Variants in STIMATE observed in about 807,000 individuals in gnomAD.
STIMATE encodes the protein STIM activating enhancer.
STIMATE carries 15 observed loss-of-function variants against 36.7 expected under a neutral mutation model. The ratio of observed to expected loss-of-function variants is 0.41; its 90% CI spans 0.27 to 0.63. The LOEUF (loss-of-function observed/expected upper bound fraction) is 0.63. STIMATE is among the 20% of genes least tolerant of loss of function. STIMATE has a pLI of 0.32. For missense variants in STIMATE, 305 were observed against 397.3 expected (o/e 0.77, Z 1.98); for synonymous variants, 163 against 162.3 (o/e 1.00, Z -0.03).
intron 1 of STIMATE, among the ~76,000 whole-genome samples, chr3:52,885,196 C>T (rs1453827609): frequency 6.6e-6 from 1 of 152,142 alleles, no homozygotes; most frequent in East Asian, 1.9e-4. Context: ...TTCATGTGCT[C>T]ATTGGCCATT....
intron 7 of STIMATE, among the ~76,000 whole-genome samples, chr3:52,841,121 C>A (rs1302189620): frequency 6.6e-6 from 1 of 152,222 alleles, no homozygotes; most frequent in Non-Finnish European, 1.5e-5. Flanking sequence ...CTGAAGCCAG[C>A]ACTGAGTCGA....
chr3:52,893,804 T>A (rs1454408680), intron 1 of STIMATE, among the ~76,000 whole-genome samples: 1 of 152,206 alleles, frequency 6.6e-6, no homozygotes, highest in East Asian at 1.9e-4. Context: ...AAAATGCTTG[T>A]TTTATTAAAA....
intron 1 of STIMATE, among the ~76,000 whole-genome samples, chr3:52,888,262 A>G (rs568403254): frequency 1.5e-4 from 23 of 152,230 alleles, no homozygotes; most frequent in African/African-American, 4.8e-4. Context: ...GACACCCCCA[A>G]GGCAAAGCCC....
chr3:52,839,517 A>G lies in STIMATE; in HGVS notation c.*977T>C. 6.6e-6 allele frequency: 1 copy of G among 152,218 alleles called. No individual in the cohort carries two copies. The highest frequency in any genetic ancestry group is 1.9e-4 in the East Asian group (1 of 5,190). The allele number at this position is 152,218 out of a possible 1,614,324, so 9.4% of individuals were successfully genotyped here. ...CTCCTTTCTTGGTCAAATTTAACTA[A>G]GATCTCTAATCTGCCAGCAGGAATG... On this transcript the variant is annotated 3_prime_UTR_variant, in exon 8 of 8. Coordinates refer to ENST00000355083, the MANE Select transcript of STIMATE (RefSeq NM_198563.5).
In STIMATE at chr3:52,840,867, G is replaced by GT. The variant is rs200969842; in HGVS notation, c.769-258dup. Among the ~76,000 whole-genome samples, 1,373 of 151,072 alleles carry GT rather than the reference G, an allele frequency of 9.1e-3. 26 individuals are homozygous for GT. The highest frequency in any genetic ancestry group is 0.031 in the African/African-American group (1,271 of 41,138). The stretch of plus-strand genomic sequence containing the variant: ...TGCGTGGCACCATGCCTGGTTCGTT[G>GT]TTTTTTTTTGCTACTTTTAGTAGAC... On this transcript the variant is annotated intron_variant, in intron 7 of 7. Coordinates refer to ENST00000355083, the MANE Select transcript of STIMATE (RefSeq NM_198563.5).
At chr3:52,856,501 T>G (rs9810068) in intron 1 of STIMATE, among the ~76,000 whole-genome samples, 779 of 57,022 alleles carry the variant, frequency 0.014, 11 homozygotes, top group African/African-American at 0.027. Flanking sequence ...GGTAACAGAG[T>G]GAGACCACGT....
chr3:52,852,996 G>T (rs1166148235), intron 2 of STIMATE, among the ~76,000 whole-genome samples: 3 of 152,132 alleles, frequency 2.0e-5, no homozygotes, highest in Non-Finnish European at 4.4e-5. Context: ...GAAGCCCAAG[G>T]TGCCTCTATT....
At chr3:52,845,063 T>A in intron 4 of STIMATE, 122 bp from the exon 5 acceptor site, 1 of 896,572 alleles carries the variant, frequency 1.1e-6, no homozygotes, top group Non-Finnish European at 1.6e-6. Flanking sequence ...AGGTACTTAA[T>A]GAGCCCCCCC....
chr3:52,852,279 G>C (rs1213610584), intron 3 of STIMATE, among the ~76,000 whole-genome samples: 2 of 152,232 alleles, frequency 1.3e-5, no homozygotes, highest in Non-Finnish European at 2.9e-5. Context: ...CTCCTGTAGG[G>C]CATTATCCTT....
intron 1 of STIMATE, among the ~76,000 whole-genome samples, chr3:52,889,120 T>C (rs1476414282): frequency 2.6e-5 from 4 of 152,200 alleles, no homozygotes; most frequent in Non-Finnish European, 5.9e-5. Context: ...CATGTGATGC[T>C]CAGATGGGGC....
chr3:52,876,574 G>A (rs72959478), intron 1 of STIMATE, among the ~76,000 whole-genome samples: 5 of 152,040 alleles, frequency 3.3e-5, no homozygotes, highest in South Asian at 2.1e-4. Context: ...CCTCCTCCTC[G>A]GCTTTCAATT....
chr3:52,888,490 G>A (rs893878322), intron 1 of STIMATE, among the ~76,000 whole-genome samples: 3 of 152,240 alleles, frequency 2.0e-5, no homozygotes, highest in Non-Finnish European at 4.4e-5. Context: ...ACACTGCACA[G>A]GGCTCTGGGT....
At chr3:52,862,319 T>C (rs1196008773) in intron 1 of STIMATE, among the ~76,000 whole-genome samples, 1 of 152,214 alleles carries the variant, frequency 6.6e-6, no homozygotes, top group Non-Finnish European at 1.5e-5. Flanking sequence ...GACTGCCTCC[T>C]AACAGGCTTC....
chr3:52,844,960 G>A lies in STIMATE; in HGVS notation c.428-19C>T. The A allele has an allele frequency of 6.2e-7, 1 of 1,611,534 alleles. No individual in the cohort carries two copies. Among genetic ancestry groups the A allele is most frequent in the South Asian group, 1.1e-5 (1 of 91,038 alleles). On this transcript the variant is annotated intron_variant, in intron 4 of 7. Coordinates refer to ENST00000355083, the MANE Select transcript of STIMATE (RefSeq NM_198563.5). ...GGGTCTCCTGCAGGGACAGGCGGGT[G>A]CTTAGTCACATGGGGCCCAGGCATC...
intron 1 of STIMATE, among the ~76,000 whole-genome samples, chr3:52,859,565 T>A: frequency 9.8e-6 from 1 of 101,882 alleles, no homozygotes; most frequent in African/African-American, 3.8e-5. Context: ...CTGGGCATGA[T>A]GGTATGTACC....
Position 52,882,157 on chromosome 3 carries a change from G to A in STIMATE, c.160+15134C>T, listed in dbSNP as rs539732131. On this transcript the variant is annotated intron_variant, in intron 1 of 7. Transcript: ENST00000355083. ...GGCTCACACAGGGCTGGGGGCTGGGGTCCTTAGCTCCTCACCACGTGGGTC... is the reference window on the plus strand; with the variant it reads ...GGCTCACACAGGGCTGGGGGCTGGGATCCTTAGCTCCTCACCACGTGGGTC... Among the ~76,000 whole-genome samples, 5 of 152,348 alleles carry A rather than the reference G, an allele frequency of 3.3e-5. No individual in the cohort carries two copies. The East Asian group carries it at 9.6e-4, about 29-fold the overall frequency.
At chr3:52,896,155 C>T (rs1294433277) in intron 1 of STIMATE, among the ~76,000 whole-genome samples, 1 of 152,064 alleles carries the variant, frequency 6.6e-6, no homozygotes, top group East Asian at 1.9e-4. Context: ...CAAAGAAACC[C>T]CAAGTTATAA....
intron 1 of STIMATE, among the ~76,000 whole-genome samples, chr3:52,874,881 G>A (rs1043025377): frequency 5.9e-5 from 9 of 152,104 alleles, no homozygotes; most frequent in African/African-American, 1.9e-4. Flanking sequence ...GGTCTCTGCT[G>A]CTAAAAACAA....
chr3:52,887,599 G>A (rs1701710638), intron 1 of STIMATE, among the ~76,000 whole-genome samples: 1 of 152,166 alleles, frequency 6.6e-6, no homozygotes, highest in South Asian at 2.1e-4. Flanking sequence ...TTCCTGGTAG[G>A]GCTCAGCAGT....
Sources: gnomAD v4.1 joint callset for allele counts (sites outside exome capture counted in the v4.1 genomes callset) on GRCh38, gnomAD v4.1.1 for gene constraint, MANE v1.5 for transcripts, NCBI Gene and HGNC (gene_info 2026-07-23, HGNC 2026-07-21) for gene names.